The following NBEA variants were observed in gnomAD, a reference collection of about 807,000 sequenced individuals.
NBEA encodes the protein neurobeachin.
Under a neutral mutation model 343.4 loss-of-function variants are expected in NBEA, and 44 were observed. The observed-to-expected ratio is 0.13, with a 90% CI of 0.10 to 0.16. The LOEUF (loss-of-function observed/expected upper bound fraction) is 0.16, where lower values mean the gene tolerates loss of function less well. NBEA is among the 10% of genes least tolerant of loss of function. The pLI is 1.00. For synonymous variants in NBEA, 1,175 were observed against 1,238.7 expected (o/e 0.95, Z 1.08); for missense variants, 2,555 against 3,631.3 (o/e 0.70, Z 7.62).
At chr13:34,988,178 G>A (rs1219358869) in intron 1 of NBEA, among the ~76,000 whole-genome samples, 1 of 150,884 alleles carries the variant, frequency 6.6e-6, no homozygotes, top group African/African-American at 2.4e-5. Flanking sequence ...TCGTCCCAGA[G>A]GGTTACCCGC....
intron 41 of NBEA, chr13:35,476,198 C>T (rs1229613746): frequency 3.7e-6 from 6 of 1,609,892 alleles, no homozygotes; most frequent in Admixed American, 1.7e-5. Context: ...GGATCCAATG[C>T]GGCTGCTAGA....
chr13:35,597,095 T>C (rs1167667622), intron 47 of NBEA, among the ~76,000 whole-genome samples: 1 of 152,206 alleles, frequency 6.6e-6, no homozygotes, highest in Non-Finnish European at 1.5e-5. Flanking sequence ...TTAATAGTGG[T>C]CTTCTATCAT....
At chr13:34,970,711 G>C (rs1169319934) in intron 1 of NBEA, among the ~76,000 whole-genome samples, 1 of 151,444 alleles carries the variant, frequency 6.6e-6, no homozygotes, top group Non-Finnish European at 1.5e-5. Context: ...CATATTTCTG[G>C]GTTCTTTTTT....
chr13:35,150,502 G>A (rs74048920), intron 18 of NBEA, among the ~76,000 whole-genome samples: 4,231 of 152,072 alleles, frequency 0.028, 87 homozygotes, highest in South Asian at 0.075. Flanking sequence ...TTTAATTTTT[G>A]TTAACATAGT....
chr13:34,979,656 A>T (rs910642309), intron 1 of NBEA, among the ~76,000 whole-genome samples: 4 of 152,144 alleles, frequency 2.6e-5, no homozygotes. Flanking sequence ...TTTTTTGGAA[A>T]TTTTTTAAAA....
At chr13:35,149,094 T>C (rs2068613714) in intron 18 of NBEA, among the ~76,000 whole-genome samples, 1 of 152,224 alleles carries the variant, frequency 6.6e-6, no homozygotes, top group African/African-American at 2.4e-5. Flanking sequence ...ATTCCGACTT[T>C]GTGTCAATCA....
intron 38 of NBEA, among the ~76,000 whole-genome samples, chr13:35,398,129 G>A (rs1291643310): frequency 6.6e-6 from 1 of 152,132 alleles, no homozygotes; most frequent in African/African-American, 2.4e-5. Context: ...TCTTCACCAG[G>A]AGGAAATTCC....
intron 17 of NBEA, among the ~76,000 whole-genome samples, chr13:35,141,995 TAATAAC>T (rs1403065507): frequency 6.6e-6 from 1 of 151,184 alleles, no homozygotes; most frequent in African/African-American, 2.5e-5. Context: ...AATTTGAAAA[TAATAAC>T]AATGACATGT....
At chr13:35,250,573 G>T (rs1202057913) in intron 34 of NBEA, among the ~76,000 whole-genome samples, 1 of 152,116 alleles carries the variant, frequency 6.6e-6, no homozygotes, top group East Asian at 1.9e-4. Flanking sequence ...AGTCTAAATT[G>T]ATGAAACCAC....
chr13:35,404,204 A>C (rs1346052441), intron 38 of NBEA, among the ~76,000 whole-genome samples: 2 of 152,288 alleles, frequency 1.3e-5, no homozygotes, highest in East Asian at 3.9e-4. Flanking sequence ...GCGATTCCTC[A>C]GGGATCTAGA....
In NBEA at chr13:35,048,652, T is replaced by A; in HGVS notation, c.813T>A (p.Ile271=). 7.0e-7 allele frequency: 1 copy of A among 1,427,218 alleles called. No individual in the cohort carries two copies. The highest frequency in any genetic ancestry group is 9.8e-7 in the Non-Finnish European group (1 of 1,020,878). The allele number at this position is 1,427,218 out of a possible 1,614,324, so 88.4% of individuals were successfully genotyped here. A position where few individuals can be genotyped will look rare whatever the true frequency, so the allele number is the denominator to read the frequency against. Residue 271 remains isoleucine, a synonymous_variant, in exon 5 of 59, where the codon ATT becomes ATA. Transcript: ENST00000379939. Reference sequence around the variant, plus strand: ...TTCGTATGGATCCATTAAATAATATTAATGTTGATAAGGATAAACCTTATC... The same window carrying A: ...TTCGTATGGATCCATTAAATAATATAAATGTTGATAAGGATAAACCTTATC... The part of the protein sequence containing the change: ...TWFRMDPLNN[I]NVDKDKPYLY...
chr13:35,044,839 G>T (rs987971620), intron 2 of NBEA, 108 bp from the exon 3 acceptor site: 11 of 591,672 alleles, frequency 1.9e-5, no homozygotes, highest in African/African-American at 1.3e-4. Flanking sequence ...TAGAGAGAGA[G>T]AGAGAGAGAG....
chr13:34,954,682 A>C (rs2059440182), intron 1 of NBEA, among the ~76,000 whole-genome samples: 1 of 152,170 alleles, frequency 6.6e-6, no homozygotes, highest in Non-Finnish European at 1.5e-5. Context: ...CGTTTGTATA[A>C]AATGGCATAG....
At chr13:35,301,430 C>T (rs1306837508) in intron 35 of NBEA, among the ~76,000 whole-genome samples, 1 of 151,974 alleles carries the variant, frequency 6.6e-6, no homozygotes, top group Non-Finnish European at 1.5e-5. Context: ...TGAGTGAGAA[C>T]ATGCAGTGTT....
At chr13:35,612,616 T>A (rs2082574515) in intron 48 of NBEA, among the ~76,000 whole-genome samples, 1 of 152,220 alleles carries the variant, frequency 6.6e-6, no homozygotes, top group Non-Finnish European at 1.5e-5. Flanking sequence ...ATTTTATTAC[T>A]GATGTGCCTA....
chr13:35,348,465 A>G (rs1373280038), intron 36 of NBEA, among the ~76,000 whole-genome samples: 1 of 152,122 alleles, frequency 6.6e-6, no homozygotes, highest in Non-Finnish European at 1.5e-5. Context: ...GTTACTACAC[A>G]TTTTAAAAAT....
chr13:34,947,294 A>G (rs2059214955), intron 1 of NBEA, among the ~76,000 whole-genome samples: 1 of 152,186 alleles, frequency 6.6e-6, no homozygotes, highest in South Asian at 2.1e-4. Flanking sequence ...ATCAAGTTAT[A>G]TTAATTTTAA....
intron 38 of NBEA, among the ~76,000 whole-genome samples, chr13:35,407,865 C>T (rs1306356307): frequency 1.3e-5 from 2 of 152,164 alleles, no homozygotes; most frequent in East Asian, 3.9e-4. Context: ...TGAGAAATGA[C>T]ACAAATAATT....
chr13:35,365,044 G>A (rs1412677780), intron 38 of NBEA, among the ~76,000 whole-genome samples: 1 of 151,654 alleles, frequency 6.6e-6, no homozygotes, highest in Non-Finnish European at 1.5e-5. Flanking sequence ...ATGATTGGAT[G>A]GGTCAGCACC....
Sources: allele counts gnomAD v4.1 joint callset (sites outside exome capture counted in the v4.1 genomes callset), GRCh38; gene constraint gnomAD v4.1.1; transcripts MANE v1.5; gene names NCBI Gene and HGNC (gene_info 2026-07-23, HGNC 2026-07-21).